The following COL4A6 variants were observed in gnomAD, a reference collection of about 807,000 sequenced individuals.
COL4A6 encodes the protein collagen type IV alpha 6 chain, also known as collagen alpha-6(IV) chain.
Under a neutral mutation model 126.7 loss-of-function variants are expected in COL4A6, and 59 were observed. That is an observed-to-expected ratio of 0.47 (90% CI 0.38 to 0.58). COL4A6 has a LOEUF of 0.58. Among genes scored for constraint, COL4A6 ranks in the 20% least tolerant of loss-of-function variants. The pLI is 0.00. For synonymous variants in COL4A6, 547 were observed against 496.6 expected (o/e 1.10, Z -1.35); for missense variants, 1,285 against 1,337.3 (o/e 0.96, Z 0.61).
intron 5 of COL4A6, among the ~76,000 whole-genome samples, chrX:108,218,486 T>C (rs1349723573): frequency 3.6e-5 from 4 of 112,572 alleles, no homozygotes; most frequent in Non-Finnish European, 5.6e-5. Flanking sequence ...TGTTGATACA[T>C]GCAACAGATA....
chrX:108,374,681 GAA>G (rs2148113560), intron 2 of COL4A6, among the ~76,000 whole-genome samples: 1 of 112,046 alleles, frequency 8.9e-6, no homozygotes, highest in Non-Finnish European at 1.9e-5. Flanking sequence ...TCTGGCCAAA[GAA>G]AAAGAGTTAG....
chrX:108,346,833 T>C (rs2039719767), intron 2 of COL4A6, among the ~76,000 whole-genome samples: 1 of 111,659 alleles, frequency 9.0e-6, no homozygotes, highest in Non-Finnish European at 1.9e-5. Context: ...TGCCCAATTT[T>C]TGGTGAATTG....
intron 4 of COL4A6, 153 bp downstream of exon 4, chrX:108,221,087 G>T: frequency 1.4e-6 from 1 of 728,725 alleles, no homozygotes; most frequent in Non-Finnish European, 2.1e-6. Context: ...AACAGGGCGA[G>T]ACTCTGTCTC....
intron 3 of COL4A6, among the ~76,000 whole-genome samples, chrX:108,223,102 C>A (rs980174021): frequency 2.7e-5 from 3 of 111,236 alleles, no homozygotes. Flanking sequence ...AAGCTGGAAA[C>A]CATCATTCTC....
intron 2 of COL4A6, among the ~76,000 whole-genome samples, chrX:108,339,009 C>A (rs764918304): frequency 2.9e-4 from 32 of 111,580 alleles, no homozygotes; most frequent in African/African-American, 1.0e-3. Flanking sequence ...TACCCAACTT[C>A]CCCTGTGGCC....
At chrX:108,426,872 A>AT (rs918441954) in intron 2 of COL4A6, among the ~76,000 whole-genome samples, 2 of 112,014 alleles carry the variant, frequency 1.8e-5, no homozygotes, top group African/African-American at 6.5e-5. Context: ...ACAGCTTTTA[A>AT]TTTTTTAACC....
chrX:108,364,519 G>A (rs1477389952), intron 2 of COL4A6, among the ~76,000 whole-genome samples: 1 of 111,073 alleles, frequency 9.0e-6, no homozygotes, highest in East Asian at 2.8e-4. Flanking sequence ...TGGGCTTTTA[G>A]TGTATTCATC....
intron 3 of COL4A6, among the ~76,000 whole-genome samples, chrX:108,296,302 C>G (rs757259173): frequency 8.9e-6 from 1 of 112,224 alleles, no homozygotes; most frequent in South Asian, 3.7e-4. Flanking sequence ...CACTTCTCCT[C>G]CATACCTAGG....
chrX:108,227,907 A>C (rs1172232247), intron 3 of COL4A6, among the ~76,000 whole-genome samples: 3 of 111,867 alleles, frequency 2.7e-5, no homozygotes, highest in Non-Finnish European at 3.8e-5. Flanking sequence ...GGGGGACCTT[A>C]GAATTTTAAC....
At chrX:108,279,689 C>T (rs761499076) in intron 3 of COL4A6, among the ~76,000 whole-genome samples, 1 of 111,811 alleles carries the variant, frequency 8.9e-6, no homozygotes, top group Non-Finnish European at 1.9e-5. Context: ...ACAGAAAATA[C>T]ATTTTTTTCA....
intron 2 of COL4A6, among the ~76,000 whole-genome samples, chrX:108,332,216 T>C (rs1161172026): frequency 8.9e-6 from 1 of 111,885 alleles, no homozygotes; most frequent in Non-Finnish European, 1.9e-5. Flanking sequence ...TTCCATGGGA[T>C]ATATATCACA....
chrX:108,176,477 T>C (rs994035915), intron 28 of COL4A6, among the ~76,000 whole-genome samples: 1 of 111,008 alleles, frequency 9.0e-6, no homozygotes, highest in East Asian at 2.8e-4. Flanking sequence ...CACTTTCCCT[T>C]TTTTTAAATG....
In COL4A6 at chrX:108,161,629, T is replaced by C. The variant is rs1602700481; in HGVS notation, c.4323A>G (p.Pro1441=). Residue 1441 remains proline, a synonymous_variant, in exon 42 of 45, where the codon CCA becomes CCG. Transcript: ENST00000334504. Reference sequence around the variant, plus strand: ...GTGGCATCATCAGACCTTCAAATCCTGGAGGGCCTTGCAGTCCAGGCAGAC... The same window carrying C: ...GTGGCATCATCAGACCTTCAAATCCCGGAGGGCCTTGCAGTCCAGGCAGAC... ...DPGLPGLQGP[P]GFEGAPGQQG... is the part of the protein sequence containing the mutation. 1.3e-6 allele frequency: 1 copy of C among 797,767 alleles called. No individual in the cohort carries two copies. Among genetic ancestry groups the C allele is most frequent in the Admixed American group, 3.6e-5 (1 of 27,701 alleles). The allele number at this position is 797,767 out of a possible 1,213,427, so 65.7% of individuals were successfully genotyped here. A position where few individuals can be genotyped will look rare whatever the true frequency, so the allele number is the denominator to read the frequency against.
chrX:108,292,951 A>AG (rs2038201833), intron 3 of COL4A6, among the ~76,000 whole-genome samples: 1 of 84,451 alleles, frequency 1.2e-5, no homozygotes, highest in African/African-American at 4.5e-5. Context: ...CCCGTCTCTT[A>AG]GGAAAAAAAA....
chrX:108,336,833 C>T (rs766188812), intron 2 of COL4A6, among the ~76,000 whole-genome samples: 46 of 110,877 alleles, frequency 4.1e-4, no homozygotes, highest in Non-Finnish European at 8.0e-4. Context: ...TGGTCTGGCC[C>T]TAGAATTGGT....
chrX:108,176,312 C>CAAAA (rs55686119), intron 28 of COL4A6, among the ~76,000 whole-genome samples: 1,190 of 78,337 alleles, frequency 0.015, 18 homozygotes, highest in South Asian at 0.047. Flanking sequence ...AAAACTCTGT[C>CAAAA]AAAAAAAAAA....
At chrX:108,314,391 C>T (rs774829631) in intron 2 of COL4A6, among the ~76,000 whole-genome samples, 89 of 111,664 alleles carry the variant, frequency 8.0e-4, no homozygotes, top group Non-Finnish European at 1.4e-3. Flanking sequence ...TGTTCCGTAC[C>T]TCTCAAGGCC....
At chrX:108,380,219 T>C (rs2040533618) in intron 2 of COL4A6, among the ~76,000 whole-genome samples, 1 of 112,701 alleles carries the variant, frequency 8.9e-6, no homozygotes, top group Admixed American at 9.4e-5. Context: ...TTTTTTACTT[T>C]TGTGAATCAA....
intron 2 of COL4A6, among the ~76,000 whole-genome samples, chrX:108,329,486 T>C (rs2039242032): frequency 8.9e-6 from 1 of 112,123 alleles, no homozygotes; most frequent in Non-Finnish European, 1.9e-5. Flanking sequence ...TGGGGAAATA[T>C]GAACATTGTC....
Sources: gnomAD v4.1 joint callset for allele counts (sites outside exome capture counted in the v4.1 genomes callset) on GRCh38, gnomAD v4.1.1 for gene constraint, MANE v1.5 for transcripts, NCBI Gene and HGNC (gene_info 2026-07-23, HGNC 2026-07-21) for gene names.